DPP6: variants seen among roughly 807,000 people sequenced by gnomAD.
DPP6 encodes the protein A-type potassium channel modulatory protein DPP6.
Under a neutral mutation model 122.6 loss-of-function variants are expected in DPP6, and 69 were observed. The ratio of observed to expected loss-of-function variants is 0.56; its 90% confidence interval spans 0.46 to 0.69. DPP6 has a LOEUF of 0.69. Ranked by LOEUF, DPP6 falls within the 30% of genes least tolerant of loss-of-function variation. The pLI is 0.00. For missense variants in DPP6, 928 were observed against 1,116.9 expected, an observed-to-expected ratio of 0.83 and a Z score of 2.41; for synonymous variants, 418 against 433.1, an observed-to-expected ratio of 0.97 and a Z score of 0.43.
At chr7:154,715,091 A>C (rs1248074807) in intron 7 of DPP6, among the ~76,000 whole-genome samples, 1 of 151,384 alleles carries the variant, frequency 6.6e-6, no homozygotes, top group Non-Finnish European at 1.5e-5. Context: ...TTTGAGATGG[A>C]GTTTCACTCT....
At chr7:153,862,631 C>T in the DPP6 span, among the ~76,000 whole-genome samples, 2 of 152,136 alleles carry the variant, frequency 1.3e-5, no homozygotes, top group Admixed American at 6.6e-5. Context: ...ATTATTTTTT[C>T]CTTCTAAATG....
chr7:153,894,675 C>A (rs1799334230), intron 1 of DPP6, among the ~76,000 whole-genome samples: 2 of 152,210 alleles, frequency 1.3e-5, no homozygotes, highest in South Asian at 2.1e-4. Context: ...CCTCCTGCCC[C>A]CGACCTCTTC....
At chr7:154,653,808 G>T (rs1234158150) in intron 6 of DPP6, among the ~76,000 whole-genome samples, 1 of 152,034 alleles carries the variant, frequency 6.6e-6, no homozygotes, top group Non-Finnish European at 1.5e-5. Flanking sequence ...CACAGAGTTT[G>T]TTGAGCACTG....
chr7:154,781,797 A>G (rs1396094590), intron 10 of DPP6, among the ~76,000 whole-genome samples: 2 of 152,228 alleles, frequency 1.3e-5, no homozygotes, highest in Non-Finnish European at 2.9e-5. Context: ...ATTTCATGAG[A>G]TAAACCAGCT....
intron 1 of DPP6, among the ~76,000 whole-genome samples, chr7:154,357,211 A>AT (rs953806063): frequency 8.6e-5 from 13 of 151,994 alleles, no homozygotes; most frequent in Admixed American, 7.2e-4. Context: ...GTTTTCTTTG[A>AT]TTTTAAACCA....
intron 8 of DPP6, among the ~76,000 whole-genome samples, chr7:154,738,810 C>T (rs1842687333): frequency 6.6e-6 from 1 of 152,220 alleles, no homozygotes; most frequent in South Asian, 2.1e-4. Flanking sequence ...AAACTTCAAA[C>T]GTAAGCCTGA....
intron 3 of DPP6, among the ~76,000 whole-genome samples, chr7:154,533,380 C>G (rs1009096851): frequency 1.3e-5 from 2 of 152,086 alleles, no homozygotes; most frequent in Admixed American, 1.3e-4. Flanking sequence ...TCAACACCGA[C>G]CTAAGAAGAA....
rs1172821533 is a variant in DPP6, at chr7:154,760,521, A to G, written c.884-8896A>G. The stretch of plus-strand genomic sequence containing the variant: ...TTGTCTGCCATTCTGCGAGCTCAAG[A>G]ACTTCTGTTAGCCATTCGTTTCTTT... On this transcript the variant is annotated intron_variant, in intron 8 of 25. Transcript: ENST00000377770. The surrounding 1 kb of genome is among the most constrained non-coding windows in gnomAD (Gnocchi z 4.5). 6.6e-6 allele frequency among the ~76,000 whole-genome samples: 1 copy of G among 152,072 alleles called. No homozygotes were observed. The highest frequency in any genetic ancestry group is 1.5e-5 in the Non-Finnish European group (1 of 68,020).
At chr7:153,946,398 G>A (rs1056842622) in intron 1 of DPP6, among the ~76,000 whole-genome samples, 29 of 152,106 alleles carry the variant, frequency 1.9e-4, no homozygotes, top group African/African-American at 6.5e-4. Flanking sequence ...TCTGGATGTT[G>A]GCGTGGCATT....
At chr7:154,733,983 T>C (rs1381376456) in intron 8 of DPP6, among the ~76,000 whole-genome samples, 3 of 152,248 alleles carry the variant, frequency 2.0e-5, no homozygotes, top group Non-Finnish European at 4.4e-5. Flanking sequence ...AGTACCTGCT[T>C]CCTGCGTGTT....
rs1356259875 is a variant in DPP6, at chr7:154,668,638, G to A, written c.681-722G>A. On this transcript the variant is annotated intron_variant, in intron 6 of 25. Coordinates refer to ENST00000377770, the MANE Select transcript of DPP6 (RefSeq NM_130797.4). The stretch of plus-strand genomic sequence containing the variant: ...TGTCATCCAAAAGAAACATGAAAAT[G>A]AATCTTTTCTACACGTTGGAGACAG... Among the ~76,000 whole-genome samples the A allele has an allele frequency of 2.0e-5, 3 of 152,022 alleles. No homozygotes were observed. The South Asian group carries it at 6.2e-4, about 32-fold the overall frequency.
intron 8 of DPP6, among the ~76,000 whole-genome samples, chr7:154,741,357 C>T (rs1225457120): frequency 6.6e-6 from 1 of 152,204 alleles, no homozygotes; most frequent in Non-Finnish European, 1.5e-5. Flanking sequence ...GCATGCTGGC[C>T]ACTCAGGCCT....
intron 1 of DPP6, among the ~76,000 whole-genome samples, chr7:154,405,791 C>G (rs1205681906): frequency 1.3e-5 from 2 of 152,166 alleles, no homozygotes; most frequent in Non-Finnish European, 2.9e-5. Flanking sequence ...TCATCCTCCT[C>G]CATCGCAAAA....
At chr7:154,724,952 T>G (rs1248237650) in intron 7 of DPP6, among the ~76,000 whole-genome samples, 1 of 152,160 alleles carries the variant, frequency 6.6e-6, no homozygotes, top group Non-Finnish European at 1.5e-5. Flanking sequence ...ATCAGAACAG[T>G]AAATTTTTTT....
the DPP6 span, among the ~76,000 whole-genome samples, chr7:153,786,718 G>C: frequency 2.3e-5 from 3 of 130,176 alleles, no homozygotes; most frequent in African/African-American, 8.6e-5. Flanking sequence ...CAGCCTGGGC[G>C]ACAGAGCGAG....
chr7:153,937,509 C>T (rs368103691), intron 1 of DPP6, among the ~76,000 whole-genome samples: 6 of 141,716 alleles, frequency 4.2e-5, no homozygotes, highest in African/African-American at 1.6e-4. Flanking sequence ...AGCACAGTGG[C>T]GCGATCTCGC....
At chr7:154,325,928 A>T (rs1010122123) in intron 1 of DPP6, among the ~76,000 whole-genome samples, 1 of 152,222 alleles carries the variant, frequency 6.6e-6, no homozygotes, top group Admixed American at 6.5e-5. Flanking sequence ...TATAAGAGGC[A>T]TGCATCATTT....
intron 3 of DPP6, among the ~76,000 whole-genome samples, chr7:154,491,696 A>C (rs549681188): frequency 6.6e-6 from 1 of 152,324 alleles, no homozygotes; most frequent in Admixed American, 6.5e-5. Flanking sequence ...AAGATGGCCC[A>C]GCATGGTCAT....
chr7:154,005,526 G>A (rs1203284561), intron 1 of DPP6, among the ~76,000 whole-genome samples: 2 of 151,676 alleles, frequency 1.3e-5, no homozygotes, highest in African/African-American at 2.4e-5. Context: ...ATAGCTTATC[G>A]AAAAATTAGG....
Sources: gnomAD v4.1 joint callset for allele counts (sites outside exome capture counted in the v4.1 genomes callset) on GRCh38, gnomAD v4.1.1 for gene constraint, Gnocchi (gnomAD v3.1) non-coding constraint, MANE v1.5 for transcripts, NCBI Gene and HGNC (gene_info 2026-07-23, HGNC 2026-07-21) for gene names.